Variants in SBNO1 observed in about 807,000 individuals in gnomAD.
The protein encoded by SBNO1 is strawberry notch homolog 1, also known as protein strawberry notch homolog 1.
A neutral mutation model predicts 173.6 loss-of-function variants in SBNO1; 23 were observed. The ratio of observed to expected loss-of-function variants is 0.13; its 90% CI spans 0.10 to 0.19. The LOEUF (loss-of-function observed/expected upper bound fraction) is 0.19, where lower values mean the gene tolerates loss of function less well. SBNO1 is among the 10% of genes least tolerant of loss of function. The pLI is 1.00. For missense variants in SBNO1, 1,238 were observed against 1,671.2 expected (o/e 0.74, Z 4.52); for synonymous variants, 632 against 571.5 (o/e 1.11, Z -1.51).
At chr12:123,296,486 G>T (rs763793056) in intron 31 of SBNO1, among the ~76,000 whole-genome samples, 2 of 151,324 alleles carry the variant, frequency 1.3e-5, no homozygotes, top group Admixed American at 6.6e-5. Context: ...CTGGTTAAGG[G>T]AACTTTAAGT....
intron 1 of SBNO1, among the ~76,000 whole-genome samples, chr12:123,356,894 T>C (rs1469164364): frequency 6.6e-6 from 1 of 152,234 alleles, no homozygotes; most frequent in African/African-American, 2.4e-5. Flanking sequence ...ATCTTCACCT[T>C]AGCTAATAAC....
chr12:123,311,720 CTATATATATATATATATA>C (rs56718635), intron 24 of SBNO1, among the ~76,000 whole-genome samples: 4,944 of 127,430 alleles, frequency 0.039, 231 homozygotes, highest in East Asian at 0.24. Context: ...ATCTATCTAT[CTATATATATATATATATA>C]TATATATATA....
intron 25 of SBNO1, 95 bp from the exon 26 acceptor site, chr12:123,309,951 A>T (rs1434788929): frequency 1.0e-6 from 1 of 973,396 alleles, no homozygotes; most frequent in Admixed American, 2.4e-5. Context: ...CTCTTCTAAA[A>T]GTCTTCCTTC....
intron 8 of SBNO1, 74 bp from the exon 9 acceptor site, chr12:123,330,583 G>A: frequency 1.6e-5 from 12 of 728,722 alleles, no homozygotes; most frequent in South Asian, 3.8e-5. Flanking sequence ...AATTAATAAA[G>A]CCAGGTCTTG....
chr12:123,296,500 G>A (rs1212087986), intron 31 of SBNO1, among the ~76,000 whole-genome samples: 1 of 151,956 alleles, frequency 6.6e-6, no homozygotes, highest in African/African-American at 2.4e-5. Context: ...TTTAAGTCCT[G>A]CATGTAGGAT....
At chr12:123,311,882 T>C in intron 24 of SBNO1, among the ~76,000 whole-genome samples, 1 of 150,998 alleles carries the variant, frequency 6.6e-6, no homozygotes, top group Non-Finnish European at 1.5e-5. Context: ...ACTACAGGCG[T>C]GCACCACCGT....
At chr12:123,343,898 C>T (rs1255580317) in intron 4 of SBNO1, among the ~76,000 whole-genome samples, 1 of 152,118 alleles carries the variant, frequency 6.6e-6, no homozygotes, top group African/African-American at 2.4e-5. Flanking sequence ...CATGGATAGT[C>T]TTGCTGTGCA....
intron 24 of SBNO1, 147 bp from the exon 25 acceptor site, chr12:123,311,276 G>T: frequency 1.6e-6 from 1 of 637,466 alleles, no homozygotes; most frequent in Non-Finnish European, 2.8e-6. Context: ...AATGTGGAGA[G>T]AACTGCCCTT....
At chr12:123,338,525 T>C (rs1346458248) in intron 5 of SBNO1, among the ~76,000 whole-genome samples, 2 of 151,006 alleles carry the variant, frequency 1.3e-5, no homozygotes, top group Admixed American at 1.3e-4. Context: ...TATTAAAAAA[T>C]ACAAAAGAAA....
chr12:123,303,118 GT>G (rs2048836286), intron 29 of SBNO1, among the ~76,000 whole-genome samples: 1 of 151,994 alleles, frequency 6.6e-6, no homozygotes, highest in Admixed American at 6.6e-5. Flanking sequence ...AACTATAATT[GT>G]TTTCAAATCA....
At chr12:123,309,992 T>C in intron 25 of SBNO1, 136 bp from the exon 26 acceptor site, 18 of 665,488 alleles carry the variant, frequency 2.7e-5, no homozygotes, top group Non-Finnish European at 1.8e-5. Flanking sequence ...ACAACAAGGC[T>C]GTAATCTGCC....
intron 24 of SBNO1, among the ~76,000 whole-genome samples, chr12:123,312,439 C>T (rs918033222): frequency 6.6e-6 from 1 of 152,154 alleles, no homozygotes; most frequent in African/African-American, 2.4e-5. Flanking sequence ...CATCTGGGTG[C>T]CTTGGCTCAC....
At chr12:123,355,211 G>C (rs1300273588) in intron 1 of SBNO1, among the ~76,000 whole-genome samples, 1 of 152,078 alleles carries the variant, frequency 6.6e-6, no homozygotes, top group Non-Finnish European at 1.5e-5. Flanking sequence ...AGTAGAGACA[G>C]GGTTTCATCA....
At chr12:123,336,318 A>G in intron 6 of SBNO1, 77 bp downstream of exon 6, 1 of 980,644 alleles carries the variant, frequency 1.0e-6, no homozygotes, top group Non-Finnish European at 1.6e-6. Context: ...TTTATATGGA[A>G]AAAAACAAAA....
intron 7 of SBNO1, among the ~76,000 whole-genome samples, chr12:123,331,666 C>A (rs190433492): frequency 6.6e-6 from 1 of 151,870 alleles, no homozygotes; most frequent in African/African-American, 2.4e-5. Context: ...GGACTACAGG[C>A]GCCCGCCACC....
At chr12:123,296,185 T>C (rs1258737278) in intron 31 of SBNO1, 135 bp from the exon 32 acceptor site, 15 of 595,368 alleles carry the variant, frequency 2.5e-5, no homozygotes, top group Non-Finnish European at 3.6e-5. Context: ...AACGACTACC[T>C]AATAAATGAA....
rs1389036876 is a variant in SBNO1, at chr12:123,290,031, T to A, written c.*5877A>T. 6.6e-6 allele frequency: 1 copy of A among 152,278 alleles called. No homozygotes were observed. Among genetic ancestry groups the A allele is most frequent in the Non-Finnish European group, 1.5e-5 (1 of 68,058 alleles). 9.4% of individuals were successfully genotyped at this position (152,278 alleles called of 1,614,324 possible). A position where few individuals can be genotyped will look rare whatever the true frequency, so the allele number is the denominator to read the frequency against. ...GCCTTCACTCTGGAGGACGCCTGAA[T>A]TACAAGTATCAAAAAGAACCCGCCT... On this transcript the variant is annotated 3_prime_UTR_variant, in exon 32 of 32. Coordinates refer to ENST00000602398, the MANE Select transcript of SBNO1 (RefSeq NM_001167856.3).
intron 23 of SBNO1, among the ~76,000 whole-genome samples, 153 bp downstream of exon 23, chr12:123,315,220 A>G (rs1869135321): frequency 6.6e-6 from 1 of 152,230 alleles, no homozygotes; most frequent in Admixed American, 6.5e-5. Flanking sequence ...TCTAACATAC[A>G]TGTGAAATTC....
intron 23 of SBNO1, among the ~76,000 whole-genome samples, chr12:123,315,067 G>A (rs1176513825): frequency 6.6e-6 from 1 of 152,012 alleles, no homozygotes; most frequent in Non-Finnish European, 1.5e-5. Flanking sequence ...ATACTGCCTA[G>A]TTCATGTCTC....
Sources: gnomAD v4.1 joint callset for allele counts (sites outside exome capture counted in the v4.1 genomes callset) on GRCh38, gnomAD v4.1.1 for gene constraint, MANE v1.5 for transcripts, NCBI Gene and HGNC (gene_info 2026-07-23, HGNC 2026-07-21) for gene names.